ERBB4: variants seen among roughly 807,000 people sequenced by gnomAD.
The protein encoded by ERBB4 is erb-b2 receptor tyrosine kinase 4.
ERBB4 carries 42 observed loss-of-function variants against 158.0 expected under a neutral mutation model. The observed-to-expected ratio is 0.27, with a 90% confidence interval of 0.21 to 0.34. The LOEUF is 0.34. Among genes scored for constraint, ERBB4 ranks in the 10% least tolerant of loss-of-function variants. ERBB4 has a pLI of 1.00. For missense variants in ERBB4, 1,333 were observed against 1,624.1 expected (o/e 0.82, Z 3.08); for synonymous variants, 583 against 558.7 (o/e 1.04, Z -0.61).
chr2:211,854,645 T>C (rs2077805980), intron 3 of ERBB4, among the ~76,000 whole-genome samples: 1 of 152,144 alleles, frequency 6.6e-6, no homozygotes, highest in African/African-American at 2.4e-5. Context: ...ATTCAACCCG[T>C]GTTGTACAAA....
chr2:211,462,835 T>G (rs900692575), intron 20 of ERBB4, among the ~76,000 whole-genome samples: 1 of 152,216 alleles, frequency 6.6e-6, no homozygotes, highest in Non-Finnish European at 1.5e-5. Flanking sequence ...GAAATTATAC[T>G]AGAGTTCAAA....
At chr2:212,010,706 T>C (rs1029785860) in intron 2 of ERBB4, among the ~76,000 whole-genome samples, 1 of 152,032 alleles carries the variant, frequency 6.6e-6, no homozygotes, top group African/African-American at 2.4e-5. Context: ...TGACCACAAA[T>C]TTACCAGGGT....
chr2:212,144,304 C>T (rs115668808), intron 1 of ERBB4, among the ~76,000 whole-genome samples: 1,565 of 152,200 alleles, frequency 0.01, 17 homozygotes, highest in African/African-American at 0.036. Flanking sequence ...TTCTAGTCAC[C>T]TAACTGGTAT....
At chr2:212,430,423 A>G (rs919891357) in intron 1 of ERBB4, among the ~76,000 whole-genome samples, 1 of 150,972 alleles carries the variant, frequency 6.6e-6, no homozygotes, top group African/African-American at 2.4e-5. Context: ...GGTTGCAATT[A>G]CTTCGCATGT....
intron 19 of ERBB4, among the ~76,000 whole-genome samples, chr2:211,563,868 G>GTA (rs2067476157): frequency 6.6e-6 from 1 of 152,136 alleles, no homozygotes; most frequent in South Asian, 2.1e-4. Flanking sequence ...GGTGTAATAT[G>GTA]TATATGGCAA....
intron 20 of ERBB4, among the ~76,000 whole-genome samples, chr2:211,502,584 T>G (rs539851886): frequency 1.9e-4 from 29 of 152,230 alleles, no homozygotes; most frequent in African/African-American, 6.7e-4. Context: ...CTCTATAACT[T>G]GGAAAGTTGA....
At chr2:211,989,390 A>G (rs1297655857) in intron 2 of ERBB4, among the ~76,000 whole-genome samples, 3 of 151,962 alleles carry the variant, frequency 2.0e-5, no homozygotes, top group African/African-American at 4.8e-5. Flanking sequence ...GAATTTTACA[A>G]CTATCAAGAT....
intron 25 of ERBB4, among the ~76,000 whole-genome samples, chr2:211,416,835 C>T (rs1472060137): frequency 6.8e-6 from 1 of 147,944 alleles, no homozygotes; most frequent in African/African-American, 2.5e-5. Flanking sequence ...TTTTTTAACC[C>T]TACACAGCTT....
At chr2:212,371,175 A>T (rs750872120) in intron 1 of ERBB4, among the ~76,000 whole-genome samples, 6 of 152,142 alleles carry the variant, frequency 3.9e-5, no homozygotes, top group Non-Finnish European at 7.3e-5. Flanking sequence ...TATGGGTTTC[A>T]TTGGGACCTG....
At chr2:211,577,735 G>A (rs995410110) in intron 19 of ERBB4, among the ~76,000 whole-genome samples, 6 of 152,072 alleles carry the variant, frequency 3.9e-5, no homozygotes, top group African/African-American at 1.2e-4. Flanking sequence ...AATAGATGCA[G>A]CAAAGGCCTT....
intron 5 of ERBB4, among the ~76,000 whole-genome samples, chr2:211,746,246 T>A (rs983179524): frequency 3.3e-5 from 5 of 152,028 alleles, no homozygotes; most frequent in African/African-American, 1.2e-4. Flanking sequence ...AGACAACCCA[T>A]CACTATCAAC....
chr2:211,690,780 G>T (rs1036878307), intron 12 of ERBB4, among the ~76,000 whole-genome samples: 3 of 152,134 alleles, frequency 2.0e-5, no homozygotes, highest in Non-Finnish European at 2.9e-5. Flanking sequence ...ATGAGTGAAG[G>T]AGTGGAAGGG....
chr2:211,387,888 C>T (rs1341586564), intron 26 of ERBB4, 57 bp downstream of exon 26: 2 of 1,300,666 alleles, frequency 1.5e-6, no homozygotes, highest in Non-Finnish European at 2.2e-6. Context: ...AGAGAGGAAA[C>T]ATGGTAAGCA....
At chr2:211,628,569 T>C (rs2069958672) in intron 17 of ERBB4, among the ~76,000 whole-genome samples, 1 of 152,244 alleles carries the variant, frequency 6.6e-6, no homozygotes, top group Non-Finnish European at 1.5e-5. Context: ...CAGTCTATCA[T>C]TGCTGGACAT....
chr2:212,291,733 C>T (rs1381729643), intron 1 of ERBB4, among the ~76,000 whole-genome samples: 1 of 151,930 alleles, frequency 6.6e-6, no homozygotes, highest in Non-Finnish European at 1.5e-5. Context: ...ATATTTATAA[C>T]CATATACTAA....
chr2:212,006,360 T>C (rs1284736291), intron 2 of ERBB4, among the ~76,000 whole-genome samples: 1 of 152,112 alleles, frequency 6.6e-6, no homozygotes, highest in African/African-American at 2.4e-5. Flanking sequence ...TAATAAAGAT[T>C]CTAAATTAAT....
At chr2:212,148,038 T>C (rs1170287783) in intron 1 of ERBB4, among the ~76,000 whole-genome samples, 1 of 152,196 alleles carries the variant, frequency 6.6e-6, no homozygotes, top group Non-Finnish European at 1.5e-5. Context: ...TTGTGTTAAA[T>C]TTTGCATTTA....
intron 2 of ERBB4, among the ~76,000 whole-genome samples, chr2:212,065,674 G>T (rs1405404450): frequency 6.6e-6 from 1 of 151,998 alleles, no homozygotes; most frequent in African/African-American, 2.4e-5. Flanking sequence ...GTGTGAAAAT[G>T]TCTATAATGA....
chr2:212,440,942 C>T (rs2092241725), intron 1 of ERBB4, among the ~76,000 whole-genome samples: 1 of 152,148 alleles, frequency 6.6e-6, no homozygotes, highest in Admixed American at 6.6e-5. Context: ...GATACTGAGC[C>T]TCAGATCTCC....
Sources: gnomAD v4.1 joint callset for allele counts (sites outside exome capture counted in the v4.1 genomes callset) on GRCh38, gnomAD v4.1.1 for gene constraint, MANE v1.5 for transcripts, NCBI Gene and HGNC (gene_info 2026-07-23, HGNC 2026-07-21) for gene names.